SHISA9: variants seen among roughly 807,000 people sequenced by gnomAD.
The protein encoded by SHISA9 is protein shisa-9.
In SHISA9, 13 loss-of-function variants were observed where a neutral mutation model predicts 38.0. The ratio of observed to expected loss-of-function variants is 0.34; its 90% CI spans 0.22 to 0.54. SHISA9 has a LOEUF of 0.54. Among genes scored for constraint, SHISA9 ranks in the 20% least tolerant of loss-of-function variants. The probability of loss-of-function intolerance (pLI) is 0.91; values close to 1 mark genes in which losing one functional copy is unlikely to be tolerated. For missense variants in SHISA9, 538 were observed against 575.8 expected, an observed-to-expected ratio of 0.93 and a Z score of 0.67; for synonymous variants, 275 against 242.0, an observed-to-expected ratio of 1.14 and a Z score of -1.27.
At chr16:13,423,999 A>C in the SHISA9 span, among the ~76,000 whole-genome samples, 5 of 152,340 alleles carry the variant, frequency 3.3e-5, no homozygotes, top group Admixed American at 3.3e-4. Context: ...GATTAGGTCA[A>C]GTCCACCCAG....
At chr16:13,502,916 A>T in the SHISA9 span, among the ~76,000 whole-genome samples, 1 of 152,102 alleles carries the variant, frequency 6.6e-6, no homozygotes, top group African/African-American at 2.4e-5. Context: ...AAATAAATCT[A>T]CTGGGAAAGA....
chr16:13,496,758 A>G, the SHISA9 span, among the ~76,000 whole-genome samples: 2 of 152,188 alleles, frequency 1.3e-5, no homozygotes, highest in African/African-American at 4.8e-5. Context: ...AAAAAAATCC[A>G]TGCAGAGTAG....
At chr16:13,055,607 C>T (rs1031227617) in intron 2 of SHISA9, among the ~76,000 whole-genome samples, 3 of 152,124 alleles carry the variant, frequency 2.0e-5, no homozygotes, top group Non-Finnish European at 4.4e-5. Flanking sequence ...CATTGAAGTA[C>T]GAGCCAGCAT....
intron 2 of SHISA9, among the ~76,000 whole-genome samples, chr16:13,020,458 G>C (rs1372158249): frequency 6.6e-6 from 1 of 152,160 alleles, no homozygotes; most frequent in African/African-American, 2.4e-5. Flanking sequence ...AGAACATGCG[G>C]TATTTGGTTT....
intron 3 of SHISA9, among the ~76,000 whole-genome samples, chr16:13,207,824 G>A (rs2051080454): frequency 6.6e-6 from 1 of 152,196 alleles, no homozygotes; most frequent in Admixed American, 6.5e-5. Flanking sequence ...ATGATGAAAT[G>A]CATTTTATTA....
chr16:13,484,622 C>G, the SHISA9 span, among the ~76,000 whole-genome samples: 2 of 152,092 alleles, frequency 1.3e-5, no homozygotes, highest in Admixed American at 1.3e-4. Context: ...CTACCTGAGA[C>G]TGGGTAATTT....
chr16:13,072,755 G>T (rs2073533405), intron 2 of SHISA9, among the ~76,000 whole-genome samples: 1 of 151,954 alleles, frequency 6.6e-6, no homozygotes, highest in Non-Finnish European at 1.5e-5. Flanking sequence ...CCACCTCCTG[G>T]GTTCAAGGGA....
the SHISA9 span, among the ~76,000 whole-genome samples, chr16:13,349,118 C>T: frequency 0.81 from 123,053 of 152,178 alleles, 49,910 homozygotes; most frequent in East Asian, 0.96. Flanking sequence ...AAGAGATAGA[C>T]AAGAGGCATA....
At chr16:13,362,348 A>C in the SHISA9 span, among the ~76,000 whole-genome samples, 2 of 152,046 alleles carry the variant, frequency 1.3e-5, no homozygotes, top group Admixed American at 6.6e-5. Context: ...GGATGACTCG[A>C]GCCCAGGGGA....
At chr16:13,033,751 G>T (rs1001381062) in intron 2 of SHISA9, among the ~76,000 whole-genome samples, 3 of 152,164 alleles carry the variant, frequency 2.0e-5, no homozygotes, top group African/African-American at 4.8e-5. Flanking sequence ...CCATGATAAG[G>T]AAGTTCTTCC....
chr16:13,452,020 G>A, the SHISA9 span, among the ~76,000 whole-genome samples: 1 of 152,200 alleles, frequency 6.6e-6, no homozygotes, highest in Admixed American at 6.5e-5. Context: ...GTTTCATCAA[G>A]TTAGTTTTCC....
At chr16:13,156,898 G>A (rs79551554) in intron 2 of SHISA9, among the ~76,000 whole-genome samples, 13 of 152,130 alleles carry the variant, frequency 8.5e-5, no homozygotes, top group East Asian at 5.8e-4. Context: ...CATCATGTGC[G>A]TCATCAAAAG....
chr16:13,101,151 C>T (rs1164770555), intron 2 of SHISA9, among the ~76,000 whole-genome samples: 2 of 152,118 alleles, frequency 1.3e-5, no homozygotes, highest in Non-Finnish European at 2.9e-5. Flanking sequence ...GACCAGGTTT[C>T]ACTTGTGCAA....
the SHISA9 span, among the ~76,000 whole-genome samples, chr16:13,367,439 G>A: frequency 6.6e-6 from 1 of 151,340 alleles, no homozygotes; most frequent in Non-Finnish European, 1.5e-5. Context: ...TGAAAAGACG[G>A]AAATATTATC....
chr16:13,454,321 C>G, the SHISA9 span, among the ~76,000 whole-genome samples: 90 of 152,248 alleles, frequency 5.9e-4, 1 homozygote, highest in East Asian at 0.011. Flanking sequence ...GGAAGAAGAG[C>G]TAAAAGATGC....
intron 2 of SHISA9, among the ~76,000 whole-genome samples, chr16:13,065,647 G>A (rs544831237): frequency 6.6e-6 from 1 of 152,308 alleles, no homozygotes; most frequent in South Asian, 2.1e-4. Context: ...GGAAGGGTTC[G>A]AAGGCTTGCC....
intron 2 of SHISA9, among the ~76,000 whole-genome samples, chr16:13,199,441 C>G (rs1457761225): frequency 6.6e-6 from 1 of 152,218 alleles, no homozygotes; most frequent in African/African-American, 2.4e-5. Context: ...GACAGCCTTC[C>G]CTCTGGTCAG....
chr16:13,307,557 G>A, the SHISA9 span, among the ~76,000 whole-genome samples: 2 of 152,176 alleles, frequency 1.3e-5, no homozygotes, highest in Admixed American at 6.5e-5. Flanking sequence ...TGACTAATTG[G>A]TTGTCCATTC....
chr16:13,403,229 T>A, the SHISA9 span, among the ~76,000 whole-genome samples: 1 of 152,238 alleles, frequency 6.6e-6, no homozygotes, highest in Admixed American at 6.5e-5. Flanking sequence ...ATTTCTTGAT[T>A]CCATTATCAA....
Sources: gnomAD v4.1 joint callset for allele counts (sites outside exome capture counted in the v4.1 genomes callset) on GRCh38, gnomAD v4.1.1 for gene constraint, MANE v1.5 for transcripts, NCBI Gene and HGNC (gene_info 2026-07-23, HGNC 2026-07-21) for gene names.